IKBIP: variants seen among roughly 807,000 people sequenced by gnomAD.
The protein encoded by IKBIP is inhibitor of nuclear factor kappa-B kinase-interacting protein.
In IKBIP, 28 loss-of-function variants were observed where a neutral mutation model predicts 31.0. The observed-to-expected ratio is 0.90, with a 90% CI of 0.67 to 1.24. IKBIP has a LOEUF of 1.24. IKBIP is among the 50% of genes most tolerant of loss of function. The pLI, the probability that IKBIP is intolerant of heterozygous loss-of-function variation, is 0.00. For missense variants in IKBIP, 453 were observed against 441.9 expected, an observed-to-expected ratio of 1.03 and a Z score of -0.23; for synonymous variants, 164 against 160.3, an observed-to-expected ratio of 1.02 and a Z score of -0.17.
At chr12:98,634,166 G>T in intron 2 of IKBIP, 130 bp downstream of exon 2, 1 of 574,410 alleles carries the variant, frequency 1.7e-6, no homozygotes. Context: ...CAAGAGGTAG[G>T]AAGATCAGTG....
chr12:98,643,930 C>G (rs1007891110), intron 1 of IKBIP, among the ~76,000 whole-genome samples: 8 of 151,880 alleles, frequency 5.3e-5, no homozygotes, highest in African/African-American at 1.7e-4. Context: ...ATTCTCCTGC[C>G]TCAGCCTCCG....
rs1245492471 is a variant in IKBIP, at chr12:98,624,644, TATA to T, written c.*1283_*1285del. On this transcript the variant is annotated 3_prime_UTR_variant, in exon 3 of 3. Transcript: ENST00000299157. ...TTCCATATTGCAGTTGACTACATTA[TATA>T]ATTTCAAATAAAATAAAATCAATTC... 1 of 874,674 alleles carries T rather than the reference TATA, an allele frequency of 1.1e-6. No individual in the cohort carries two copies. The highest frequency in any genetic ancestry group is 1.8e-5 in the African/African-American group (1 of 54,936). The allele number at this position is 874,674 out of a possible 1,614,324, so 54.2% of individuals were successfully genotyped here.
In IKBIP at chr12:98,614,254, C is replaced by T. The variant is rs754116820; in HGVS notation, c.384G>A (p.Glu128=). The T allele has an allele frequency of 3.1e-6, 5 of 1,612,138 alleles. No individual in the cohort carries two copies. The East Asian group carries it at 6.7e-5, about 22-fold the overall frequency. The stretch of plus-strand genomic sequence containing the variant: ...TTATCCTATTGGACCAAGTTTTTAC[C>T]TCATTAATTTCTTCCTGTAGACGCT... The change falls in exon 3 of 3, where the codon GAG becomes GAA. Residue 128 remains glutamate, a synonymous_variant. Transcript: ENST00000342502.
chr12:98,644,080 A>T (rs2097634861), intron 1 of IKBIP, among the ~76,000 whole-genome samples: 1 of 152,160 alleles, frequency 6.6e-6, no homozygotes, highest in Admixed American at 6.5e-5. Context: ...GTCTCCAAAC[A>T]TAATGATCTG....
Position 98,616,404 on chromosome 12 carries a change from G to A in IKBIP, c.298-2064C>T, listed in dbSNP as rs78769970. Among the ~76,000 whole-genome samples, 474 of 151,850 alleles carry A rather than the reference G, an allele frequency of 3.1e-3. 4 individuals are homozygous for A. The highest frequency in any genetic ancestry group is 0.011 in the African/African-American group (455 of 41,438). On this transcript the variant is annotated intron_variant, in intron 2 of 2. Transcript: ENST00000342502. ...GATATTAAGCCATTCTCAGATTTAT[G>A]GTTCATGAGTATTTTCTCCCATTCT...
At chr12:98,640,930 T>A (rs1045021002) in intron 1 of IKBIP, among the ~76,000 whole-genome samples, 17 of 151,802 alleles carry the variant, frequency 1.1e-4, no homozygotes, top group African/African-American at 3.1e-4. Context: ...CCTGGCTAAT[T>A]TTTTGTATTT....
At chr12:98,631,933 G>A (rs991364456) in intron 2 of IKBIP, among the ~76,000 whole-genome samples, 2 of 150,944 alleles carry the variant, frequency 1.3e-5, no homozygotes, top group Admixed American at 6.6e-5. Flanking sequence ...TCAGCTCACT[G>A]CAATCTCCAC....
At chr12:98,627,662 TC>T (rs1356934916) in intron 2 of IKBIP, among the ~76,000 whole-genome samples, 1 of 152,116 alleles carries the variant, frequency 6.6e-6, no homozygotes, top group Non-Finnish European at 1.5e-5. Context: ...ATGGTCTCGA[TC>T]CCCTGACCTC....
chr12:98,624,867 C>T lies in IKBIP; in HGVS notation c.*1063G>A, dbSNP rs534425258. ...CCACTCAGGCTGGAGTGCAGTGGCG[C>T]GATCTCGGCTCACTGCAAGCTCTGC... On this transcript the variant is annotated 3_prime_UTR_variant, in exon 3 of 3. Coordinates refer to ENST00000299157, the MANE Select transcript of IKBIP (RefSeq NM_153687.4). 17 of 490,002 alleles carry T rather than the reference C, an allele frequency of 3.5e-5. No homozygotes were observed. The South Asian group carries it at 6.2e-4, about 18-fold the overall frequency. 30.4% of individuals were successfully genotyped at this position (490,002 alleles called of 1,614,324 possible).
chr12:98,626,675 A>G lies in IKBIP; in HGVS notation c.389T>C (p.Ile130Thr), dbSNP rs189251687. ...TTCATTATTTTGAATGTCATGCATG[A>G]TATCTTGGAGGTTGGATACTTCCTG... Reference protein sequence around the residue: ...FEQEVSNLQDIMHDIQNNEEV... With the variant: ...FEQEVSNLQDTMHDIQNNEEV... The change falls in exon 3 of 3, where the codon ATC (isoleucine) becomes ACC (threonine). Residue 130 changes from isoleucine (I) to threonine (T), a missense_variant. Coordinates refer to ENST00000299157, the MANE Select transcript of IKBIP (RefSeq NM_153687.4). 600 of 1,613,988 alleles carry G rather than the reference A, an allele frequency of 3.7e-4. 5 individuals are homozygous for G. In the East Asian group the frequency reaches 0.011, roughly 29 times the overall value.
chr12:98,627,054 C>T (rs1444663855), intron 2 of IKBIP, among the ~76,000 whole-genome samples: 7 of 152,084 alleles, frequency 4.6e-5, no homozygotes, highest in African/African-American at 9.7e-5. Context: ...CTGCAACCTC[C>T]GCCTCCCAGG....
At chr12:98,641,682 G>A (rs1259188213) in intron 1 of IKBIP, among the ~76,000 whole-genome samples, 2 of 152,108 alleles carry the variant, frequency 1.3e-5, no homozygotes, top group Admixed American at 1.3e-4. Flanking sequence ...GAGAGACAGG[G>A]TCTTGCTCTG....
chr12:98,640,295 G>A (rs1395651845), intron 1 of IKBIP, among the ~76,000 whole-genome samples: 2 of 152,030 alleles, frequency 1.3e-5, no homozygotes, highest in Non-Finnish European at 2.9e-5. Flanking sequence ...TTAGCTGGGC[G>A]TGGTGGCGCA....
At chr12:98,621,577 A>T (rs2097610156), downstream of IKBIP, among the ~76,000 whole-genome samples, 2 of 152,184 alleles carry the variant, frequency 1.3e-5, no homozygotes, top group African/African-American at 4.8e-5. Context: ...CTAGTTGAAC[A>T]GTAGCAGGCT....
In IKBIP at chr12:98,625,232, T is replaced by C. The variant is rs929338884; in HGVS notation, c.*698A>G. 2.0e-6 allele frequency: 2 copies of C among 976,514 alleles called. No homozygotes were observed. Among genetic ancestry groups the C allele is most frequent in the Non-Finnish European group, 1.2e-6 (1 of 821,848 alleles). 60.5% of individuals were successfully genotyped at this position (976,514 alleles called of 1,614,324 possible). ...CACATAATTCCTAAGAAAGGCCTTA[T>C]GTAAGAACATACTTACTCTGATTTT... On this transcript the variant is annotated 3_prime_UTR_variant, in exon 3 of 3. Coordinates refer to ENST00000299157, the MANE Select transcript of IKBIP (RefSeq NM_153687.4).
chr12:98,642,892 G>A (rs2097631890), intron 1 of IKBIP, among the ~76,000 whole-genome samples: 1 of 149,430 alleles, frequency 6.7e-6, no homozygotes, highest in African/African-American at 2.5e-5. Context: ...AGCCACTGCC[G>A]GCAGGCTGAC....
intron 2 of IKBIP, 149 bp downstream of exon 2, chr12:98,634,147 G>A: frequency 1.9e-6 from 1 of 520,002 alleles, no homozygotes; most frequent in African/African-American, 2.0e-5. Context: ...TGGCTCAGAG[G>A]GAGAATGTCA....
chr12:98,637,673 C>T (rs542702164), intron 1 of IKBIP, among the ~76,000 whole-genome samples: 4 of 152,198 alleles, frequency 2.6e-5, no homozygotes, highest in East Asian at 1.9e-4. Flanking sequence ...TCCCAAAGTG[C>T]TGGGATTACA....
downstream of IKBIP, among the ~76,000 whole-genome samples, chr12:98,623,433 T>C (rs1294367538): frequency 7.0e-6 from 1 of 142,254 alleles, no homozygotes; most frequent in African/African-American, 2.7e-5. Flanking sequence ...TTAGTAGACA[T>C]GAGGTCTCAC....
Sources: allele counts gnomAD v4.1 joint callset (sites outside exome capture counted in the v4.1 genomes callset), GRCh38; gene constraint gnomAD v4.1.1; transcripts MANE v1.5; gene names NCBI Gene and HGNC (gene_info 2026-07-23, HGNC 2026-07-21).